The following ATP9A variants were observed in gnomAD, a reference collection of about 807,000 sequenced individuals.
The protein encoded by ATP9A is ATPase phospholipid transporting 9A.
In ATP9A, 52 loss-of-function variants were observed where a neutral mutation model predicts 144.1. The ratio of observed to expected loss-of-function variants is 0.36; its 90% CI spans 0.29 to 0.45. The LOEUF is 0.45. Ranked by LOEUF, ATP9A falls within the 20% of genes least tolerant of loss-of-function variation. The probability of loss-of-function intolerance (pLI) is 1.00; values close to 1 mark genes in which losing one functional copy is unlikely to be tolerated. For missense variants in ATP9A, 947 were observed against 1,392.7 expected, an observed-to-expected ratio of 0.68 and a Z score of 5.09; for synonymous variants, 582 against 557.4, an observed-to-expected ratio of 1.04 and a Z score of -0.62.
chr20:51,731,353 A>G (rs1283900026), intron 1 of ATP9A, among the ~76,000 whole-genome samples: 1 of 152,138 alleles, frequency 6.6e-6, no homozygotes, highest in South Asian at 2.1e-4. Context: ...GCTTTATTTT[A>G]GAATAAAAGG....
At chr20:51,701,974 C>T (rs6063699) in intron 4 of ATP9A, among the ~76,000 whole-genome samples, 1 of 151,530 alleles carries the variant, frequency 6.6e-6, no homozygotes, top group Non-Finnish European at 1.5e-5. Flanking sequence ...CAGCCCGGGC[C>T]GCATGGCAAA....
intron 1 of ATP9A, among the ~76,000 whole-genome samples, chr20:51,766,617 G>A (rs1291529607): frequency 6.6e-6 from 1 of 152,084 alleles, no homozygotes; most frequent in East Asian, 1.9e-4. Flanking sequence ...CGAGGTGGGT[G>A]GATCACGAGG....
chr20:51,604,014 C>T (rs886066948), intron 27 of ATP9A, among the ~76,000 whole-genome samples: 2 of 152,066 alleles, frequency 1.3e-5, no homozygotes, highest in South Asian at 2.1e-4. Context: ...CTCCTGACCT[C>T]GTGATCCACC....
intron 13 of ATP9A, among the ~76,000 whole-genome samples, chr20:51,661,251 A>T (rs2077409261): frequency 6.6e-6 from 1 of 152,216 alleles, no homozygotes; most frequent in African/African-American, 2.4e-5. Flanking sequence ...CAAAAATTAA[A>T]CGTTGAGTCA....
At chr20:51,735,386 GGAA>G (rs78376654) in intron 1 of ATP9A, among the ~76,000 whole-genome samples, 33,940 of 152,014 alleles carry the variant, frequency 0.22, 3,976 homozygotes, top group South Asian at 0.39. Context: ...CTCCCTTTCA[GGAA>G]GAAGGAGTAG....
intron 1 of ATP9A, among the ~76,000 whole-genome samples, chr20:51,744,003 T>C (rs1445307850): frequency 6.7e-6 from 1 of 148,304 alleles, no homozygotes; most frequent in Non-Finnish European, 1.5e-5. Flanking sequence ...TAAGACTCCA[T>C]CTCAAAAAAA....
chr20:51,624,255 A>T (rs1568790426), intron 18 of ATP9A, among the ~76,000 whole-genome samples: 1 of 152,112 alleles, frequency 6.6e-6, no homozygotes, highest in African/African-American at 2.4e-5. Flanking sequence ...CTGGCATCTA[A>T]CCTGTCCTCC....
chr20:51,665,534 C>T (rs554933139), intron 13 of ATP9A, among the ~76,000 whole-genome samples: 13 of 152,060 alleles, frequency 8.5e-5, no homozygotes, highest in African/African-American at 3.1e-4. Context: ...GCCTGGCCAA[C>T]ATGGTGAAAC....
At position 51,618,708 on chromosome 20, in the gene ATP9A, G is replaced by C. The variant is rs561727121; in HGVS notation, c.2304C>G (p.Ile768Met). ...CCGTGCGCTCCTGAAGCAGGCGCAC[G>C]ATCTGGGCCTTCTGGGTGGGGGCAC... is the stretch of plus-strand genomic sequence containing the variant. The part of the protein sequence containing the change: ...CRCAPTQKAQ[I>M]VRLLQERTGK... Residue 768 changes from isoleucine to methionine, a missense_variant, in exon 21 of 28, where the codon ATC (isoleucine) becomes ATG (methionine). By Grantham distance (10) the Ile-to-Met change is conservative. Coordinates refer to ENST00000338821, the MANE Select transcript of ATP9A (RefSeq NM_006045.3). 6.2e-7 allele frequency: 1 copy of C among 1,613,556 alleles called. No individual in the cohort carries two copies. Among genetic ancestry groups the C allele is most frequent in the African/African-American group, 1.3e-5 (1 of 75,024 alleles).
At chr20:51,651,047 C>T (rs1013399221) in intron 14 of ATP9A, among the ~76,000 whole-genome samples, 1 of 149,628 alleles carries the variant, frequency 6.7e-6, no homozygotes. Context: ...GGTGCAATCT[C>T]GGAAAGCCAT....
chr20:51,734,347 G>A lies in ATP9A; in HGVS notation c.69-4369C>T, dbSNP rs75000229. 7.1e-3 allele frequency among the ~76,000 whole-genome samples: 1,083 copies of A among 152,172 alleles called. 8 individuals carry two copies. The highest frequency in any genetic ancestry group is 0.024 in the African/African-American group (1,008 of 41,530). The stretch of plus-strand genomic sequence containing the variant: ...CCTTCATGACCCAATCACCTCCTCA[G>A]TGCCCAACTTCATACAACTATCAGA... On this transcript the variant is annotated intron_variant, in intron 1 of 27. Transcript: ENST00000338821.
At chr20:51,705,071 A>C (rs1383825720) in intron 4 of ATP9A, among the ~76,000 whole-genome samples, 2 of 152,220 alleles carry the variant, frequency 1.3e-5, no homozygotes, top group African/African-American at 4.8e-5. Flanking sequence ...CCATGTCTGG[A>C]CAGAGCTTAT....
Position 51,599,117 on chromosome 20 carries a change from A to G in ATP9A, c.*2094T>C, listed in dbSNP as rs1266135278. The G allele has an allele frequency of 6.6e-6, 1 of 152,226 alleles. No individual in the cohort carries two copies. The highest frequency in any genetic ancestry group is 1.5e-5 in the Non-Finnish European group (1 of 68,032). The allele number at this position is 152,226 out of a possible 1,614,324, so 9.4% of individuals were successfully genotyped here. Reference sequence around the variant, plus strand: ...ACCATCTTCATTCTGCTTCTGCTGGAAACCTCTAAAACTTTCTGACGAGGC... The same window carrying G: ...ACCATCTTCATTCTGCTTCTGCTGGGAACCTCTAAAACTTTCTGACGAGGC... On this transcript the variant is annotated 3_prime_UTR_variant, in exon 28 of 28. Coordinates refer to ENST00000338821, the MANE Select transcript of ATP9A (RefSeq NM_006045.3).
chr20:51,697,598 A>T (rs1601111662), intron 4 of ATP9A, 116 bp from the exon 5 acceptor site: 3 of 879,216 alleles, frequency 3.4e-6, no homozygotes, highest in Non-Finnish European at 5.4e-6. Context: ...ACGCTCCCAC[A>T]CACAGCTGCC....
intron 4 of ATP9A, among the ~76,000 whole-genome samples, chr20:51,711,279 A>G (rs970961297): frequency 7.9e-5 from 12 of 152,202 alleles, no homozygotes; most frequent in Admixed American, 1.3e-4. Flanking sequence ...ACCCTAAAAC[A>G]AAGTATTTTC....
intron 17 of ATP9A, among the ~76,000 whole-genome samples, chr20:51,625,722 A>C (rs912792864): frequency 2.0e-5 from 3 of 152,222 alleles, no homozygotes; most frequent in Admixed American, 1.3e-4. Flanking sequence ...AAGTTCTCCC[A>C]TACACAACAT....
intron 3 of ATP9A, among the ~76,000 whole-genome samples, chr20:51,716,753 C>T (rs1288008752): frequency 6.6e-6 from 1 of 152,188 alleles, no homozygotes. Context: ...TCTATACAGC[C>T]ACATGAAGCA....
intron 4 of ATP9A, among the ~76,000 whole-genome samples, chr20:51,711,566 C>A (rs1185389443): frequency 6.6e-6 from 1 of 152,182 alleles, no homozygotes; most frequent in Non-Finnish European, 1.5e-5. Flanking sequence ...CAGCATTAAT[C>A]CCTGAATGGG....
intron 22 of ATP9A, among the ~76,000 whole-genome samples, chr20:51,616,982 C>T (rs754652278): frequency 1.3e-5 from 2 of 148,716 alleles, no homozygotes; most frequent in Non-Finnish European, 3.0e-5. Context: ...TGTTCTGTTG[C>T]CCAGGCTGGA....
Sources: allele counts gnomAD v4.1 joint callset (sites outside exome capture counted in the v4.1 genomes callset), GRCh38; gene constraint gnomAD v4.1.1; transcripts MANE v1.5; gene names NCBI Gene and HGNC (gene_info 2026-07-23, HGNC 2026-07-21).